Variants in FAAH2 observed in about 807,000 individuals in gnomAD.
The protein encoded by FAAH2 is fatty acid amide hydrolase 2.
FAAH2 carries 60 observed loss-of-function variants against 36.9 expected under a neutral mutation model. The ratio of observed to expected loss-of-function variants is 1.63; its 90% CI spans 1.32 to 2.02. FAAH2 has a LOEUF of 2.02. Among genes scored for constraint, FAAH2 ranks in the 30% most tolerant of loss-of-function variants. The pLI is 0.00. For missense variants in FAAH2, 689 were observed against 397.5 expected (o/e 1.73, Z -6.23); for synonymous variants, 214 against 143.8 (o/e 1.49, Z -3.49).
chrX:57,157,227 C>T, the FAAH2 span, among the ~76,000 whole-genome samples: 1 of 111,708 alleles, frequency 9.0e-6, no homozygotes, highest in East Asian at 2.8e-4. Context: ...AGGTCCTCCA[C>T]ACCAACTGCA....
At chrX:57,212,246 A>T in the FAAH2 span, among the ~76,000 whole-genome samples, 21 of 112,110 alleles carry the variant, frequency 1.9e-4, no homozygotes, top group Non-Finnish European at 2.8e-4. Context: ...CAAACAAAAA[A>T]AGTAGTGACT....
chrX:57,368,471 A>G (rs1265886235), intron 5 of FAAH2, among the ~76,000 whole-genome samples: 1 of 111,227 alleles, frequency 9.0e-6, no homozygotes, highest in Non-Finnish European at 1.9e-5. Flanking sequence ...CTTGGCACAC[A>G]AAAGAGCTTG....
the FAAH2 span, among the ~76,000 whole-genome samples, chrX:57,190,905 T>A: frequency 1.8e-5 from 2 of 111,644 alleles, no homozygotes; most frequent in Non-Finnish European, 3.8e-5. Context: ...ATATTTAGGT[T>A]GCTTCCACAT....
the FAAH2 span, among the ~76,000 whole-genome samples, chrX:57,224,297 A>G: frequency 5.4e-5 from 6 of 111,911 alleles, no homozygotes; most frequent in East Asian, 1.4e-3. Context: ...CTACAGCGAC[A>G]TGGTAAATAC....
chrX:57,167,287 A>G, the FAAH2 span, among the ~76,000 whole-genome samples: 1 of 112,004 alleles, frequency 8.9e-6, no homozygotes, highest in Non-Finnish European at 1.9e-5. Flanking sequence ...CTCACATGGG[A>G]CCATCCCAGT....
intron 10 of FAAH2, among the ~76,000 whole-genome samples, chrX:57,480,185 AG>A (rs2057354377): frequency 9.0e-6 from 1 of 111,639 alleles, no homozygotes; most frequent in Non-Finnish European, 1.9e-5. Context: ...CCAGAGGTAC[AG>A]GGAGGAACTG....
chrX:57,330,620 C>T lies in FAAH2; in HGVS notation c.413-978C>T, dbSNP rs756991359. Among the ~76,000 whole-genome samples the T allele has an allele frequency of 2.7e-5, 3 of 111,518 alleles. No individual in the cohort carries two copies. The South Asian group carries it at 1.1e-3, about 42-fold the overall frequency. ...TTTGTATACTCCCTCCCCTTTTGAACGTCCCTAATAAAAACTTGCTGGTTT... is the reference window on the plus strand; with the variant it reads ...TTTGTATACTCCCTCCCCTTTTGAATGTCCCTAATAAAAACTTGCTGGTTT... On this transcript the variant is annotated intron_variant, in intron 3 of 10. Coordinates refer to ENST00000374900, the MANE Select transcript of FAAH2 (RefSeq NM_174912.4).
intron 10 of FAAH2, among the ~76,000 whole-genome samples, chrX:57,474,658 G>A (rs2057232439): frequency 9.0e-6 from 1 of 111,730 alleles, no homozygotes; most frequent in Non-Finnish European, 1.9e-5. Context: ...AAATAATGCT[G>A]CAATAAACAT....
chrX:57,239,276 G>A, the FAAH2 span, among the ~76,000 whole-genome samples: 1 of 111,195 alleles, frequency 9.0e-6, no homozygotes, highest in Non-Finnish European at 1.9e-5. Flanking sequence ...TATTACTGAT[G>A]TTCATTATTG....
the FAAH2 span, among the ~76,000 whole-genome samples, chrX:57,226,984 C>A: frequency 0.23 from 25,757 of 110,322 alleles, 2,465 homozygotes; most frequent in Middle Eastern, 0.55. Context: ...AAAAGTGTGT[C>A]CAATGTTTCC....
chrX:57,243,738 A>G, the FAAH2 span, among the ~76,000 whole-genome samples: 1 of 111,700 alleles, frequency 9.0e-6, no homozygotes, highest in African/African-American at 3.3e-5. Context: ...AACCCCATCC[A>G]AAGGTCACCA....
intron 7 of FAAH2, among the ~76,000 whole-genome samples, chrX:57,383,983 C>T (rs780693257): frequency 3.6e-5 from 4 of 111,461 alleles, no homozygotes; most frequent in East Asian, 2.8e-4. Context: ...GAGATATAGC[C>T]CAATGGAACA....
intron 1 of FAAH2, among the ~76,000 whole-genome samples, chrX:57,292,021 T>C (rs751574118): frequency 2.7e-5 from 3 of 111,496 alleles, no homozygotes; most frequent in East Asian, 5.6e-4. Flanking sequence ...GAAATTCAAA[T>C]TTAACTTGAT....
chrX:57,192,133 A>T, the FAAH2 span, among the ~76,000 whole-genome samples: 1 of 111,402 alleles, frequency 9.0e-6, no homozygotes, highest in African/African-American at 3.3e-5. Context: ...TGTTCTTTTC[A>T]ATTTTTTTTA....
At chrX:57,285,258 G>A (rs2051793569), upstream of FAAH2, among the ~76,000 whole-genome samples, 1 of 111,754 alleles carries the variant, frequency 8.9e-6, no homozygotes, top group Non-Finnish European at 1.9e-5. Context: ...AAAAGACAGT[G>A]ACCTGGATGA....
chrX:57,386,040 T>A (rs1359812293), intron 7 of FAAH2, among the ~76,000 whole-genome samples: 1 of 112,400 alleles, frequency 8.9e-6, no homozygotes, highest in East Asian at 2.8e-4. Context: ...GATTTTTAAA[T>A]TTCTTTTTGT....
the FAAH2 span, among the ~76,000 whole-genome samples, chrX:57,212,775 T>A: frequency 8.9e-6 from 1 of 112,043 alleles, no homozygotes; most frequent in Admixed American, 9.5e-5. Context: ...GAAAATGGTG[T>A]CCTGTGGTTT....
At chrX:57,417,527 A>G (rs1042055429) in intron 7 of FAAH2, among the ~76,000 whole-genome samples, 1 of 112,308 alleles carries the variant, frequency 8.9e-6, no homozygotes, top group African/African-American at 3.2e-5. Flanking sequence ...AGTCCACTCC[A>G]GACCCTGTTT....
chrX:57,365,654 C>G (rs959497826), intron 5 of FAAH2, among the ~76,000 whole-genome samples: 2 of 112,006 alleles, frequency 1.8e-5, no homozygotes, highest in African/African-American at 6.5e-5. Context: ...AATATTTCTT[C>G]CACATTGCTT....
Sources: gnomAD v4.1 joint callset for allele counts (sites outside exome capture counted in the v4.1 genomes callset) on GRCh38, gnomAD v4.1.1 for gene constraint, MANE v1.5 for transcripts, NCBI Gene and HGNC (gene_info 2026-07-23, HGNC 2026-07-21) for gene names.